RPS6KA2: variants seen among roughly 807,000 people sequenced by gnomAD.
RPS6KA2 encodes the protein ribosomal protein S6 kinase A2.
In RPS6KA2, 42 loss-of-function variants were observed where a neutral mutation model predicts 91.8. The ratio of observed to expected loss-of-function variants is 0.46; its 90% confidence interval spans 0.36 to 0.59. The LOEUF (loss-of-function observed/expected upper bound fraction) is 0.59, where lower values mean the gene tolerates loss of function less well. Among genes scored for constraint, RPS6KA2 ranks in the 20% least tolerant of loss-of-function variants. The probability of loss-of-function intolerance (pLI) is 0.00; values close to 1 mark genes in which losing one functional copy is unlikely to be tolerated. For missense variants in RPS6KA2, 798 were observed against 978.5 expected, an observed-to-expected ratio of 0.82 and a Z score of 2.46; for synonymous variants, 414 against 393.6, an observed-to-expected ratio of 1.05 and a Z score of -0.61.
In RPS6KA2 at chr6:166,411,228, T is replaced by G. The variant is rs1393154006; in HGVS notation, c.*1534A>C. On this transcript the variant is annotated 3_prime_UTR_variant, in exon 21 of 21. Coordinates refer to ENST00000265678, the MANE Select transcript of RPS6KA2 (RefSeq NM_021135.6). This position sits in a 1 kb window ranked among gnomAD's most constrained non-coding sequence, Gnocchi z 4.5. Reference sequence around the variant, plus strand: ...GCACATTTTTTCTTTATTTTTTTTTTTTTAGTTGGGTACGAGAATCGAGAT... The same window carrying G: ...GCACATTTTTTCTTTATTTTTTTTTGTTTAGTTGGGTACGAGAATCGAGAT... 2 of 152,164 alleles carry G rather than the reference T, an allele frequency of 1.3e-5. No homozygotes were observed. Among genetic ancestry groups the G allele is most frequent in the Non-Finnish European group, 2.9e-5 (2 of 68,024 alleles). 9.4% of individuals were successfully genotyped at this position (152,164 alleles called of 1,614,324 possible).
intron 2 of RPS6KA2, among the ~76,000 whole-genome samples, chr6:166,787,299 G>A (rs1157700260): frequency 4.6e-5 from 7 of 151,956 alleles, no homozygotes; most frequent in African/African-American, 1.2e-4. Context: ...GCTATATGAT[G>A]GAAAACTCTA....
chr6:166,660,638 A>T (rs997096018), intron 2 of RPS6KA2, among the ~76,000 whole-genome samples: 3 of 152,232 alleles, frequency 2.0e-5, no homozygotes, highest in Non-Finnish European at 2.9e-5. Context: ...AAAAAGGATC[A>T]GTATTTCAAA....
At chr6:166,476,397 C>G (rs2128467720) in intron 10 of RPS6KA2, among the ~76,000 whole-genome samples, 1 of 152,316 alleles carries the variant, frequency 6.6e-6, no homozygotes, top group South Asian at 2.1e-4. Context: ...AGAGGGGCGG[C>G]CAACGAACAG....
chr6:166,630,192 T>A (rs1787029991), upstream of RPS6KA2, among the ~76,000 whole-genome samples: 1 of 152,088 alleles, frequency 6.6e-6, no homozygotes. Flanking sequence ...GTTTCCCATC[T>A]CTCCCTGCTA....
intron 1 of RPS6KA2, among the ~76,000 whole-genome samples, chr6:166,559,137 G>A (rs1012121656): frequency 1.3e-4 from 20 of 152,016 alleles, no homozygotes; most frequent in Non-Finnish European, 2.1e-4. Context: ...ATGACACACC[G>A]GAACTACTGT....
intron 2 of RPS6KA2, among the ~76,000 whole-genome samples, chr6:166,809,472 C>T (rs1304529964): frequency 6.6e-6 from 1 of 152,056 alleles, no homozygotes; most frequent in Non-Finnish European, 1.5e-5. Flanking sequence ...TTAAGAAAAA[C>T]AGGGAAAGTC....
At chr6:166,710,436 G>A (rs1789809391) in intron 2 of RPS6KA2, among the ~76,000 whole-genome samples, 1 of 151,972 alleles carries the variant, frequency 6.6e-6, no homozygotes, top group Non-Finnish European at 1.5e-5. Context: ...GTGTGTGTGT[G>A]TATGTGTACG....
At chr6:166,792,168 C>G (rs11757802) in intron 2 of RPS6KA2, among the ~76,000 whole-genome samples, 53,326 of 151,908 alleles carry the variant, frequency 0.35, 10,153 homozygotes, top group African/African-American at 0.48. Flanking sequence ...GTGATAAAGG[C>G]GATATCATCA....
At chr6:166,567,703 G>C (rs1784544431) in intron 1 of RPS6KA2, among the ~76,000 whole-genome samples, 1 of 152,186 alleles carries the variant, frequency 6.6e-6, no homozygotes, top group Non-Finnish European at 1.5e-5. Context: ...AGCTGGGATT[G>C]AGATAAATCA....
intron 12 of RPS6KA2, among the ~76,000 whole-genome samples, chr6:166,456,970 C>T (rs1289311725): frequency 2.6e-5 from 4 of 152,192 alleles, no homozygotes; most frequent in East Asian, 1.9e-4. Context: ...AAAAAGCTTC[C>T]GGTTCCACTG....
chr6:166,691,270 T>C (rs1266906005), intron 2 of RPS6KA2, among the ~76,000 whole-genome samples: 1 of 152,202 alleles, frequency 6.6e-6, no homozygotes, highest in Non-Finnish European at 1.5e-5. Context: ...TTCTCTGTTT[T>C]CACGGCCCGC....
intron 1 of RPS6KA2, among the ~76,000 whole-genome samples, chr6:166,593,114 T>G (rs1785410463): frequency 6.6e-6 from 1 of 152,166 alleles, no homozygotes; most frequent in South Asian, 2.1e-4. Flanking sequence ...CGATGCAGTG[T>G]GAGCACCAAA....
In RPS6KA2 at chr6:166,744,820, G is replaced by A. The variant is rs980422203; in HGVS notation, c.123+113380C>T. Among the ~76,000 whole-genome samples, 10 of 152,294 alleles carry A rather than the reference G, an allele frequency of 6.6e-5. No individual in the cohort carries two copies. In the South Asian group the frequency reaches 2.1e-3, roughly 32 times the overall value. On this transcript the variant is annotated intron_variant, in intron 2 of 21. Transcript: ENST00000503859. Reference sequence around the variant, plus strand: ...CCTGACTCCAGTTGAAGACACTAGAGGGAGCACCCTCAGTACTGGGCCCTC... The same window carrying A: ...CCTGACTCCAGTTGAAGACACTAGAAGGAGCACCCTCAGTACTGGGCCCTC...
chr6:166,501,849 T>C (rs1350763904), intron 6 of RPS6KA2, among the ~76,000 whole-genome samples: 1 of 152,160 alleles, frequency 6.6e-6, no homozygotes, highest in Non-Finnish European at 1.5e-5. Context: ...AAGGCAAGGC[T>C]TGGAGGATTA....
intron 2 of RPS6KA2, among the ~76,000 whole-genome samples, chr6:166,802,948 A>G (rs1015887016): frequency 8.0e-5 from 12 of 150,088 alleles, no homozygotes; most frequent in African/African-American, 2.2e-4. Context: ...GTGTGTGTAT[A>G]TATATATATA....
chr6:166,843,859 G>T (rs923292287), intron 2 of RPS6KA2, among the ~76,000 whole-genome samples: 1 of 151,938 alleles, frequency 6.6e-6, no homozygotes, highest in African/African-American at 2.4e-5. Flanking sequence ...ACAAAACAAG[G>T]TTCTTTAACA....
intron 8 of RPS6KA2, among the ~76,000 whole-genome samples, chr6:166,492,750 C>T (rs1781641122): frequency 1.4e-5 from 2 of 147,846 alleles, no homozygotes; most frequent in African/African-American, 5.1e-5. Flanking sequence ...TGGAGTCTCG[C>T]TGTTGCCCAG....
intron 2 of RPS6KA2, among the ~76,000 whole-genome samples, chr6:166,750,086 C>T (rs73788117): frequency 0.053 from 8,096 of 152,204 alleles, 729 homozygotes; most frequent in African/African-American, 0.18. Context: ...AGGGGCCGCA[C>T]CAAGTGCCCC....
intron 2 of RPS6KA2, among the ~76,000 whole-genome samples, chr6:166,839,699 A>AGGGGAGGGGAGGGGAGGGGAGGG (rs1780415917): frequency 5.1e-5 from 1 of 19,496 alleles, no homozygotes; most frequent in African/African-American, 2.5e-4. Context: ...AGAGGGGAGG[A>AGGGGAGGGGAGGGGAGGGGAGGG]GAGGAGAGGA....
Sources: gnomAD v4.1 joint callset for allele counts (sites outside exome capture counted in the v4.1 genomes callset) on GRCh38, gnomAD v4.1.1 for gene constraint, Gnocchi (gnomAD v3.1) non-coding constraint, MANE v1.5 for transcripts, NCBI Gene and HGNC (gene_info 2026-07-23, HGNC 2026-07-21) for gene names.